SLC24A2: variants seen among roughly 807,000 people sequenced by gnomAD.
SLC24A2 encodes sodium/potassium/calcium exchanger 2.
In SLC24A2, 36 loss-of-function variants were observed where a neutral mutation model predicts 62.0. The ratio of observed to expected loss-of-function variants is 0.58; its 90% CI spans 0.44 to 0.77. The LOEUF (loss-of-function observed/expected upper bound fraction) is 0.77, where lower values mean the gene tolerates loss of function less well. Among genes scored for constraint, SLC24A2 ranks in the 30% least tolerant of loss-of-function variants. The pLI is 0.00. For synonymous variants in SLC24A2, 358 were observed against 294.0 expected (o/e 1.22, Z -2.23); for missense variants, 846 against 817.9 (o/e 1.03, Z -0.42).
At chr9:20,062,261 C>G in the SLC24A2 span, among the ~76,000 whole-genome samples, 4 of 151,882 alleles carry the variant, frequency 2.6e-5, no homozygotes, top group Non-Finnish European at 5.9e-5. Context: ...GACTTAGTAA[C>G]CAAAACAGCA....
chr9:19,966,552 G>A, the SLC24A2 span, among the ~76,000 whole-genome samples: 1 of 152,120 alleles, frequency 6.6e-6, no homozygotes, highest in African/African-American at 2.4e-5. Context: ...ATCAACTCTA[G>A]ACACTTAAAT....
chr9:19,998,332 G>A, the SLC24A2 span, among the ~76,000 whole-genome samples: 1 of 152,036 alleles, frequency 6.6e-6, no homozygotes, highest in Non-Finnish European at 1.5e-5. Context: ...ACCCTGTTTT[G>A]AGCTCAACTT....
chr9:19,886,890 A>G, the SLC24A2 span, among the ~76,000 whole-genome samples: 553 of 152,260 alleles, frequency 3.6e-3, 3 homozygotes, highest in African/African-American at 0.012. Context: ...GAATGAGACC[A>G]TGTCCTTTGC....
At chr9:19,838,437 T>G in the SLC24A2 span, among the ~76,000 whole-genome samples, 1 of 147,710 alleles carries the variant, frequency 6.8e-6, no homozygotes, top group Non-Finnish European at 1.5e-5. Context: ...ATTAAAGACT[T>G]AAATGTTAGA....
chr9:19,949,978 G>T, the SLC24A2 span, among the ~76,000 whole-genome samples: 1 of 152,144 alleles, frequency 6.6e-6, no homozygotes, highest in Admixed American at 6.5e-5. Context: ...CAGAATCCCA[G>T]ACCCATCCAC....
At chr9:19,978,162 T>C in the SLC24A2 span, among the ~76,000 whole-genome samples, 2 of 152,290 alleles carry the variant, frequency 1.3e-5, no homozygotes, top group East Asian at 3.9e-4. Context: ...AACATGTGGT[T>C]CTATTTACAA....
chr9:20,270,015 T>C, the SLC24A2 span, among the ~76,000 whole-genome samples: 10 of 152,158 alleles, frequency 6.6e-5, no homozygotes, highest in African/African-American at 2.4e-4. Flanking sequence ...TGGTGGAGAA[T>C]TTCAAAGGGG....
At chr9:20,300,278 C>T in the SLC24A2 span, among the ~76,000 whole-genome samples, 1 of 152,128 alleles carries the variant, frequency 6.6e-6, no homozygotes, top group African/African-American at 2.4e-5. Flanking sequence ...CCAATTATAT[C>T]TTTTAGTTAT....
chr9:19,877,019 T>C, the SLC24A2 span, among the ~76,000 whole-genome samples: 6 of 152,150 alleles, frequency 3.9e-5, no homozygotes, highest in South Asian at 1.2e-3. Flanking sequence ...CTTTGGACAA[T>C]ATGGGAGCTA....
chr9:20,163,686 C>T, the SLC24A2 span, among the ~76,000 whole-genome samples: 1 of 152,066 alleles, frequency 6.6e-6, no homozygotes. Context: ...CAATCCTAAG[C>T]CAAAAGAACA....
chr9:19,595,569 C>T (rs913482637), intron 5 of SLC24A2, among the ~76,000 whole-genome samples: 1 of 152,142 alleles, frequency 6.6e-6, no homozygotes, highest in Non-Finnish European at 1.5e-5. Flanking sequence ...TTTCCTGCTT[C>T]CAAAGCCCGG....
chr9:20,213,295 A>T, the SLC24A2 span, among the ~76,000 whole-genome samples: 1 of 151,942 alleles, frequency 6.6e-6, no homozygotes, highest in South Asian at 2.1e-4. Context: ...TTTAGAAAGC[A>T]AATAACTATC....
At chr9:19,884,311 A>G in the SLC24A2 span, among the ~76,000 whole-genome samples, 1 of 152,200 alleles carries the variant, frequency 6.6e-6, no homozygotes, top group African/African-American at 2.4e-5. Flanking sequence ...CACATCCTAC[A>G]AAATGCCTGC....
At chr9:20,036,941 G>A in the SLC24A2 span, among the ~76,000 whole-genome samples, 3 of 151,198 alleles carry the variant, frequency 2.0e-5, no homozygotes, top group African/African-American at 4.9e-5. Context: ...CGTTACCCAG[G>A]CTGGAGTGCA....
At chr9:20,118,380 T>C in the SLC24A2 span, among the ~76,000 whole-genome samples, 8 of 152,230 alleles carry the variant, frequency 5.3e-5, no homozygotes, top group East Asian at 9.6e-4. Flanking sequence ...GCTGAAATTC[T>C]ACCAAGAAAC....
At chr9:19,809,158 C>A in the SLC24A2 span, among the ~76,000 whole-genome samples, 1 of 151,762 alleles carries the variant, frequency 6.6e-6, no homozygotes, top group South Asian at 2.1e-4. Context: ...TTTTTTTATA[C>A]GTCCACAGGA....
the SLC24A2 span, among the ~76,000 whole-genome samples, chr9:20,267,832 A>G: frequency 6.6e-6 from 1 of 152,062 alleles, no homozygotes; most frequent in Non-Finnish European, 1.5e-5. Context: ...ACCTAAGAAG[A>G]GTGGGTGAAT....
chr9:19,865,903 G>A, the SLC24A2 span, among the ~76,000 whole-genome samples: 1 of 152,164 alleles, frequency 6.6e-6, no homozygotes, highest in Non-Finnish European at 1.5e-5. Flanking sequence ...TAAACAAATT[G>A]AAGAGACAAC....
At chr9:20,142,321 G>T in the SLC24A2 span, among the ~76,000 whole-genome samples, 1 of 151,928 alleles carries the variant, frequency 6.6e-6, no homozygotes, top group Non-Finnish European at 1.5e-5. Flanking sequence ...TCTTCAAGTT[G>T]TTCCTAAGCT....
Sources: gnomAD v4.1 joint callset for allele counts (sites outside exome capture counted in the v4.1 genomes callset) on GRCh38, gnomAD v4.1.1 for gene constraint, MANE v1.5 for transcripts, NCBI Gene and HGNC (gene_info 2026-07-23, HGNC 2026-07-21) for gene names.